The following ABCG4 variants were observed in gnomAD, a reference collection of about 807,000 sequenced individuals.
ABCG4 encodes ATP-binding cassette sub-family G member 4.
A neutral mutation model predicts 64.6 loss-of-function variants in ABCG4; 35 were observed. The observed-to-expected ratio is 0.54, with a 90% CI of 0.41 to 0.72. The LOEUF (loss-of-function observed/expected upper bound fraction) is 0.72, where lower values mean the gene tolerates loss of function less well. ABCG4 is among the 30% of genes least tolerant of loss of function. The pLI, the probability that ABCG4 is intolerant of heterozygous loss-of-function variation, is 0.00. For missense variants in ABCG4, 610 were observed against 846.3 expected, an observed-to-expected ratio of 0.72 and a Z score of 3.46; for synonymous variants, 326 against 348.2, an observed-to-expected ratio of 0.94 and a Z score of 0.71.
At position 119,156,689 on chromosome 11, in the gene ABCG4, G is replaced by A. The variant is rs200518503; in HGVS notation, c.925+11G>A. 3 of 1,613,648 alleles carry A rather than the reference G, an allele frequency of 1.9e-6. No homozygotes were observed. Among genetic ancestry groups the A allele is most frequent in the South Asian group, 2.2e-5 (2 of 91,064 alleles). On this transcript the variant is annotated intron_variant, in intron 8 of 14. Transcript: ENST00000619701. The surrounding 1 kb of genome is among the most constrained non-coding windows in gnomAD (Gnocchi z 5.5). ...ACCCGGCTGACTTCAGTGAGTGGGGGTCTGTTGGTAGGGGCTGGGAAACAG... is the reference window on the plus strand; with the variant it reads ...ACCCGGCTGACTTCAGTGAGTGGGGATCTGTTGGTAGGGGCTGGGAAACAG...
Position 119,154,445 on chromosome 11 carries a change from G to A in ABCG4, c.489+53G>A, listed in dbSNP as rs567194170. 1.4e-5 allele frequency: 23 copies of A among 1,614,046 alleles called. No individual in the cohort carries two copies. Among genetic ancestry groups the A allele is most frequent in the South Asian group, 5.5e-5 (5 of 91,084 alleles). On this transcript the variant is annotated intron_variant, in intron 4 of 14. Coordinates refer to ENST00000619701, the MANE Select transcript of ABCG4 (RefSeq NM_022169.5). The surrounding 1 kb of genome is among the most constrained non-coding windows in gnomAD (Gnocchi z 7.0). ...CCAGCAACCCCCTCTGTCTGCTGTC[G>A]CCACCTTCACCATTGGCGGAGGGTT...
At chr11:119,157,306 T>A (rs1010162584) in intron 9 of ABCG4, among the ~76,000 whole-genome samples, 3 of 152,176 alleles carry the variant, frequency 2.0e-5, no homozygotes, top group African/African-American at 7.2e-5. Context: ...GTAAGCAAGA[T>A]CAACATGGTC....
chr11:119,150,028 C>G lies in ABCG4; in HGVS notation c.63C>G (p.Ala21=). ...TAGGGCCGGGGGCTGTGGCCATGGC[C>G]GTGACGCTGGAGGACGGGGCGGAAC... The part of the protein sequence containing the change: ...CGLGPGAVAM[A]VTLEDGAEPP... Residue 21 remains alanine (A), a synonymous_variant, in exon 2 of 15, where the codon GCC becomes GCG. Coordinates refer to ENST00000619701, the MANE Select transcript of ABCG4 (RefSeq NM_022169.5). This position sits in a 1 kb window ranked among gnomAD's most constrained non-coding sequence, Gnocchi z 4.3. 1 of 1,613,078 alleles carries G rather than the reference C, an allele frequency of 6.2e-7. No homozygotes were observed. Among genetic ancestry groups the G allele is most frequent in the Non-Finnish European group, 8.5e-7 (1 of 1,179,958 alleles).
chr11:119,159,050 C>A, intron 12 of ABCG4, 121 bp downstream of exon 12: 2 of 939,616 alleles, frequency 2.1e-6, no homozygotes, highest in Admixed American at 1.9e-5. Flanking sequence ...ACTCACTTAG[C>A]AAATAGATGG....
chr11:119,154,471 C>T lies in ABCG4; in HGVS notation c.490-54C>T. The T allele has an allele frequency of 6.2e-7, 1 of 1,614,046 alleles. No individual in the cohort carries two copies. Among genetic ancestry groups the T allele is most frequent in the Non-Finnish European group, 8.5e-7 (1 of 1,179,994 alleles). On this transcript the variant is annotated intron_variant, in intron 4 of 14. Coordinates refer to ENST00000619701, the MANE Select transcript of ABCG4 (RefSeq NM_022169.5). This position sits in a 1 kb window ranked among gnomAD's most constrained non-coding sequence, Gnocchi z 7.0. ...CCACCTTCACCATTGGCGGAGGGTT[C>T]AAGGCAGAGCTCCCTCCCACACATA...
chr11:119,154,325 A>G lies in ABCG4; in HGVS notation c.422A>G (p.Lys141Arg). 6.2e-7 allele frequency: 1 copy of G among 1,614,198 alleles called. No homozygotes were observed. The highest frequency in any genetic ancestry group is 8.5e-7 in the Non-Finnish European group (1 of 1,180,034). ...CCACGGGAGCTGAGGACCTTCCGCA[A>G]GATGTCCTGCTACATCATGCAAGAT... ...GRPRELRTFR[K>R]MSCYIMQDDM... Residue 141 changes from lysine (K) to arginine (R), a missense_variant, in exon 4 of 15, where the codon AAG becomes AGG. Transcript: ENST00000619701. This position sits in a 1 kb window ranked among gnomAD's most constrained non-coding sequence, Gnocchi z 7.0.
chr11:119,160,915 G>A lies in ABCG4; in HGVS notation c.1750G>A (p.Gly584Ser), dbSNP rs1948340509. The A allele has an allele frequency of 2.5e-6, 4 of 1,613,988 alleles. No homozygotes were observed. The highest frequency in any genetic ancestry group is 3.4e-6 in the Non-Finnish European group (4 of 1,179,938). ...TGAGGGTGTGATCCTGACGATCTAT[G>A]GCATGGAGCGAGGAGACCTGACATG... Reference protein sequence around the residue: ...GFEGVILTIYGMERGDLTCLE... With the variant: ...GFEGVILTIYSMERGDLTCLE... Residue 584 changes from glycine to serine, a missense_variant, in exon 15 of 15, where the codon GGC becomes AGC. Gly to Ser is a moderately conservative substitution (Grantham distance 56, BLOSUM62 0). Coordinates refer to ENST00000619701, the MANE Select transcript of ABCG4 (RefSeq NM_022169.5). This position sits in a 1 kb window ranked among gnomAD's most constrained non-coding sequence, Gnocchi z 4.6.
At position 119,150,013 on chromosome 11, in the gene ABCG4, G is replaced by T. The variant is rs935531399; in HGVS notation, c.48G>T (p.Gly16=). 1 of 1,612,352 alleles carries T rather than the reference G, an allele frequency of 6.2e-7. No individual in the cohort carries two copies. Among genetic ancestry groups the T allele is most frequent in the Non-Finnish European group, 8.5e-7 (1 of 1,179,984 alleles). ...CCGTGGGCTGTGGACTAGGGCCGGG[G>T]GCTGTGGCCATGGCCGTGACGCTGG... ...LEAVGCGLGP[G]AVAMAVTLED... is the part of the protein sequence containing the mutation. Residue 16 remains glycine, a synonymous_variant, in exon 2 of 15, where the codon GGG becomes GGT. Transcript: ENST00000619701. The surrounding 1 kb of genome is among the most constrained non-coding windows in gnomAD (Gnocchi z 4.3).
In ABCG4 at chr11:119,154,588, G is replaced by A. The variant is rs779727978; in HGVS notation, c.540+13G>A. On this transcript the variant is annotated intron_variant, in intron 5 of 14. Coordinates refer to ENST00000619701, the MANE Select transcript of ABCG4 (RefSeq NM_022169.5). This position sits in a 1 kb window ranked among gnomAD's most constrained non-coding sequence, Gnocchi z 7.0. ...GAAGAAGGAGCTGGTGAGTGGGGAAGGGAGGCAGTGGGACCACTCCCTTTT... is the reference window on the plus strand; with the variant it reads ...GAAGAAGGAGCTGGTGAGTGGGGAAAGGAGGCAGTGGGACCACTCCCTTTT... 4.5e-5 allele frequency: 72 copies of A among 1,611,840 alleles called. No homozygotes were observed. The South Asian group carries it at 7.2e-4, about 16-fold the overall frequency.
Position 119,149,904 on chromosome 11 carries a change from G to C in ABCG4, c.-12-50G>C, listed in dbSNP as rs570228821. On this transcript the variant is annotated intron_variant, in intron 1 of 14. Coordinates refer to ENST00000619701, the MANE Select transcript of ABCG4 (RefSeq NM_022169.5). The surrounding 1 kb of genome is among the most constrained non-coding windows in gnomAD (Gnocchi z 8.3). Reference sequence around the variant, plus strand: ...AAGCATTAGAACGCCAGGGAGCTTTGAGCCGGGCTCGGTGGTCTGCCCCAA... The same window carrying C: ...AAGCATTAGAACGCCAGGGAGCTTTCAGCCGGGCTCGGTGGTCTGCCCCAA... 10 of 1,556,882 alleles carry C rather than the reference G, an allele frequency of 6.4e-6. No individual in the cohort carries two copies. Among genetic ancestry groups the C allele is most frequent in the Non-Finnish European group, 8.6e-6 (10 of 1,157,196 alleles).
chr11:119,153,700 C>T (rs566906736), intron 2 of ABCG4: 6 of 269,658 alleles, frequency 2.2e-5, no homozygotes, highest in African/African-American at 4.3e-5. Flanking sequence ...GAGACAGTGG[C>T]CACTGTGATT....
chr11:119,158,934 G>A lies in ABCG4; in HGVS notation c.1437+5G>A. On this transcript the variant is annotated splice_donor_5th_base_variant and intron_variant, in intron 12 of 14. Transcript: ENST00000619701. The surrounding 1 kb of genome is among the most constrained non-coding windows in gnomAD (Gnocchi z 4.5). ...ATGGCTGACGTGCCCTTTCAGGTGG[G>A]CCTCTTCCTCCCACCTGCCCACTGC... is the stretch of plus-strand genomic sequence containing the variant. 2 of 1,613,838 alleles carry A rather than the reference G, an allele frequency of 1.2e-6. No homozygotes were observed.
chr11:119,156,287 C>T lies in ABCG4; in HGVS notation c.687-42C>T. 2 of 1,613,574 alleles carry T rather than the reference C, an allele frequency of 1.2e-6. No individual in the cohort carries two copies. Among genetic ancestry groups the T allele is most frequent in the Admixed American group, 1.7e-5 (1 of 60,006 alleles). On this transcript the variant is annotated intron_variant, in intron 6 of 14. Transcript: ENST00000619701. This position sits in a 1 kb window ranked among gnomAD's most constrained non-coding sequence, Gnocchi z 5.5. The stretch of plus-strand genomic sequence containing the variant: ...CCCAGACACTCCCTTCTTTTGGCCT[C>T]ACCCACCTCACGTGGCCCCCTGGTG...
chr11:119,151,253 AT>A (rs906841285), intron 2 of ABCG4, among the ~76,000 whole-genome samples: 115 of 151,862 alleles, frequency 7.6e-4, no homozygotes, highest in African/African-American at 2.7e-3. Flanking sequence ...AGAAACTAAG[AT>A]TTTTTTTTAA....
In ABCG4 at chr11:119,150,144, A is replaced by G. The variant is rs769699547; in HGVS notation, c.179A>G (p.Asp60Gly). The change falls in exon 2 of 15, where the codon GAC (aspartate) becomes GGC (glycine). Residue 60 changes from aspartate to glycine, a missense_variant. Physicochemically the swap from Asp to Gly is moderately conservative, Grantham distance 94. Coordinates refer to ENST00000619701, the MANE Select transcript of ABCG4 (RefSeq NM_022169.5). The surrounding 1 kb of genome is among the most constrained non-coding windows in gnomAD (Gnocchi z 4.3). ...FSHLPKRSAVDIEFVELSYSV... is the reference protein window; with the variant it reads ...FSHLPKRSAVGIEFVELSYSV... ...CACCTACCCAAGCGCTCAGCCGTGGACATCGAGTTCGTGGAGCTGTCCTAT... is the reference window on the plus strand; with the variant it reads ...CACCTACCCAAGCGCTCAGCCGTGGGCATCGAGTTCGTGGAGCTGTCCTAT... 7 of 1,614,160 alleles carry G rather than the reference A, an allele frequency of 4.3e-6. No individual in the cohort carries two copies. The highest frequency in any genetic ancestry group is 5.9e-6 in the Non-Finnish European group (7 of 1,180,008).
At chr11:119,159,492 C>T (rs550831961) in intron 12 of ABCG4, among the ~76,000 whole-genome samples, 122 of 152,352 alleles carry the variant, frequency 8.0e-4, no homozygotes, top group African/African-American at 2.8e-3. Context: ...GCAAATCACT[C>T]TCTTTGCTAA....
rs372541424 is a variant in ABCG4 at position 119,158,340 on chromosome 11, G to A, written c.1167+8G>A. The A allele has an allele frequency of 3.7e-5, 60 of 1,613,320 alleles. No homozygotes were observed. The highest frequency in any genetic ancestry group is 2.4e-4 in the South Asian group (22 of 91,076). ...TCCATCCTCAGGGACACGGTGAGGC[G>A]TCAGGCTGGGGGAGAGGAGGCTGGC... On this transcript the variant is annotated splice_region_variant and intron_variant, in intron 10 of 14. Coordinates refer to ENST00000619701, the MANE Select transcript of ABCG4 (RefSeq NM_022169.5). The surrounding 1 kb of genome is among the most constrained non-coding windows in gnomAD (Gnocchi z 4.5).
Position 119,162,363 on chromosome 11 carries a change from C to G in ABCG4, c.*1257C>G, listed in dbSNP as rs891159153. 6.5e-6 allele frequency: 1 copy of G among 152,816 alleles called. No individual in the cohort carries two copies. The highest frequency in any genetic ancestry group is 1.5e-5 in the Non-Finnish European group (1 of 68,158). The allele number at this position is 152,816 out of a possible 1,614,324, so 9.5% of individuals were successfully genotyped here. ...CAGCCACTGCTGCTCATTCAAACTTCTGTCCATGTCCCTCCACTGTTCCTA... is the reference window on the plus strand; with the variant it reads ...CAGCCACTGCTGCTCATTCAAACTTGTGTCCATGTCCCTCCACTGTTCCTA... On this transcript the variant is annotated 3_prime_UTR_variant, in exon 15 of 15. Coordinates refer to ENST00000619701, the MANE Select transcript of ABCG4 (RefSeq NM_022169.5).
chr11:119,153,443 C>T (rs1948217546), intron 2 of ABCG4: 1 of 152,818 alleles, frequency 6.5e-6, no homozygotes, highest in South Asian at 2.1e-4. Context: ...TAGGGAAAAG[C>T]TCTGAGAACT....
Sources: allele counts gnomAD v4.1 joint callset (sites outside exome capture counted in the v4.1 genomes callset), GRCh38; gene constraint gnomAD v4.1.1; non-coding constraint Gnocchi (gnomAD v3.1); transcripts MANE v1.5; gene names NCBI Gene and HGNC (gene_info 2026-07-23, HGNC 2026-07-21).